Variants in ZNF385D observed in about 807,000 individuals in gnomAD.
ZNF385D encodes the protein zinc finger protein 659.
ZNF385D carries 15 observed loss-of-function variants against 35.8 expected under a neutral mutation model. The ratio of observed to expected loss-of-function variants is 0.42; its 90% CI spans 0.28 to 0.64. ZNF385D has a LOEUF of 0.64. ZNF385D is among the 30% of genes least tolerant of loss of function. ZNF385D has a pLI of 0.23. For synonymous variants in ZNF385D, 212 were observed against 186.8 expected (o/e 1.13, Z -1.10); for missense variants, 474 against 494.6 (o/e 0.96, Z 0.39).
rs183721139 is a variant in ZNF385D at position 22,283,641 on chromosome 3, C to T, written c.106+88809G>A. ...GCTTTGAGCAAGATGCTGTTCTGTGCCTCAATTTGTGCATCTGAAATCACG... is the reference window on the plus strand; with the variant it reads ...GCTTTGAGCAAGATGCTGTTCTGTGTCTCAATTTGTGCATCTGAAATCACG... On this transcript the variant is annotated intron_variant, in intron 2 of 5. Transcript: ENST00000494108. 1.9e-4 allele frequency among the ~76,000 whole-genome samples: 29 copies of T among 152,226 alleles called. No individual in the cohort carries two copies. In the East Asian group the frequency reaches 2.7e-3, roughly 14 times the overall value.
intron 2 of ZNF385D, among the ~76,000 whole-genome samples, chr3:22,282,530 T>A (rs1701812610): frequency 6.6e-6 from 1 of 152,086 alleles, no homozygotes; most frequent in African/African-American, 2.4e-5. Context: ...TTCCATGTGT[T>A]TGCATAGTTT....
At chr3:22,127,317 CTTTTTTTTTTTTTTTTTTTTTTTTTT>C (rs71044975) in intron 3 of ZNF385D, among the ~76,000 whole-genome samples, 4 of 56,308 alleles carry the variant, frequency 7.1e-5, no homozygotes, top group Non-Finnish European at 1.3e-4. Flanking sequence ...TCATTTCCTG[CTTTTTTTTTTTTTTTTTTTTTTTTTT>C]TTTTTTTTTT....
chr3:21,841,547 A>G (rs2125787794), intron 3 of ZNF385D, among the ~76,000 whole-genome samples: 1 of 152,118 alleles, frequency 6.6e-6, no homozygotes, highest in South Asian at 2.1e-4. Context: ...TCTTCGTTTT[A>G]ATTGTATTAT....
At chr3:21,582,967 C>T (rs879458300) in intron 2 of ZNF385D, among the ~76,000 whole-genome samples, 24 of 151,822 alleles carry the variant, frequency 1.6e-4, no homozygotes, top group Non-Finnish European at 2.6e-4. Flanking sequence ...TAGTAGAGAC[C>T]GTGTTGGTCA....
intron 3 of ZNF385D, among the ~76,000 whole-genome samples, chr3:22,148,695 T>TA (rs1705026046): frequency 6.6e-6 from 1 of 152,322 alleles, no homozygotes; most frequent in South Asian, 2.1e-4. Context: ...TCGTAATTAG[T>TA]ATGGCTTATC....
chr3:22,272,331 T>A (rs143740003), intron 2 of ZNF385D, among the ~76,000 whole-genome samples: 2 of 152,130 alleles, frequency 1.3e-5, no homozygotes, highest in African/African-American at 4.8e-5. Context: ...ATTGGAGATA[T>A]ATCTCCAATA....
chr3:21,636,364 TTA>T (rs1230017347), intron 2 of ZNF385D, among the ~76,000 whole-genome samples: 40 of 113,894 alleles, frequency 3.5e-4, no homozygotes, highest in South Asian at 1.1e-3. Context: ...TTATATATGA[TTA>T]TATATATATG....
intron 2 of ZNF385D, among the ~76,000 whole-genome samples, chr3:22,271,113 T>C (rs1701155597): frequency 6.6e-6 from 1 of 151,994 alleles, no homozygotes; most frequent in Non-Finnish European, 1.5e-5. Flanking sequence ...CATCTATCCA[T>C]AAATTCAGTC....
intron 2 of ZNF385D, among the ~76,000 whole-genome samples, chr3:21,652,525 C>G (rs1351366802): frequency 6.6e-6 from 1 of 151,870 alleles, no homozygotes; most frequent in Non-Finnish European, 1.5e-5. Flanking sequence ...GCACAATGTG[C>G]AGGTTTGTTA....
chr3:21,833,804 G>A (rs1364372876), intron 3 of ZNF385D, among the ~76,000 whole-genome samples: 2 of 152,084 alleles, frequency 1.3e-5, no homozygotes, highest in Non-Finnish European at 2.9e-5. Flanking sequence ...TGTAAAATGG[G>A]AAAACACAAT....
intron 3 of ZNF385D, among the ~76,000 whole-genome samples, chr3:21,970,805 C>T (rs488290): frequency 0.69 from 104,365 of 151,564 alleles, 36,979 homozygotes; most frequent in African/African-American, 0.84. Flanking sequence ...GAAAGGATCC[C>T]ACAAGGAAGA....
chr3:21,767,532 C>T (rs1017914318), intron 3 of ZNF385D, among the ~76,000 whole-genome samples: 1 of 152,022 alleles, frequency 6.6e-6, no homozygotes, highest in African/African-American at 2.4e-5. Context: ...GACTAAGACT[C>T]CTGAAGACAG....
At chr3:22,360,692 G>A (rs1696370899) in intron 2 of ZNF385D, among the ~76,000 whole-genome samples, 1 of 151,944 alleles carries the variant, frequency 6.6e-6, no homozygotes, top group African/African-American at 2.4e-5. Flanking sequence ...ACAGTAGAGA[G>A]CATGAAAGGC....
At chr3:21,540,018 C>T (rs1192333529) in intron 3 of ZNF385D, among the ~76,000 whole-genome samples, 2 of 152,042 alleles carry the variant, frequency 1.3e-5, no homozygotes, top group African/African-American at 4.8e-5. Context: ...ACTTAAGAGA[C>T]CATTAAAAAT....
At chr3:22,289,669 T>G (rs1488920788) in intron 2 of ZNF385D, among the ~76,000 whole-genome samples, 1 of 152,178 alleles carries the variant, frequency 6.6e-6, no homozygotes, top group East Asian at 1.9e-4. Context: ...CTCTTTATTC[T>G]GTAATCAAGG....
At chr3:22,064,038 A>C (rs1000626707) in intron 3 of ZNF385D, among the ~76,000 whole-genome samples, 20 of 152,192 alleles carry the variant, frequency 1.3e-4, no homozygotes, top group African/African-American at 4.8e-4. Flanking sequence ...CCAAATTGTG[A>C]CATTTTTTAT....
intron 3 of ZNF385D, among the ~76,000 whole-genome samples, chr3:22,082,628 T>G (rs778938423): frequency 6.6e-6 from 1 of 152,194 alleles, no homozygotes; most frequent in Non-Finnish European, 1.5e-5. Flanking sequence ...GGGCAGGGCA[T>G]AGCTGAACAA....
intron 3 of ZNF385D, among the ~76,000 whole-genome samples, chr3:21,840,442 A>C (rs556108886): frequency 6.6e-6 from 1 of 152,208 alleles, no homozygotes; most frequent in South Asian, 2.1e-4. Context: ...ATATCTTCAT[A>C]TCGACATTGC....
chr3:22,343,426 G>A (rs919952946), intron 2 of ZNF385D, among the ~76,000 whole-genome samples: 2 of 152,218 alleles, frequency 1.3e-5, no homozygotes, highest in Admixed American at 6.5e-5. Flanking sequence ...GACCCCTACT[G>A]AGGACTTTGG....
Sources: gnomAD v4.1 joint callset for allele counts (sites outside exome capture counted in the v4.1 genomes callset) on GRCh38, gnomAD v4.1.1 for gene constraint, MANE v1.5 for transcripts, NCBI Gene and HGNC (gene_info 2026-07-23, HGNC 2026-07-21) for gene names.